RBFOX1: variants seen among roughly 807,000 people sequenced by gnomAD.
The protein encoded by RBFOX1 is RNA binding fox-1 homolog 1.
RBFOX1 carries 8 observed loss-of-function variants against 57.7 expected under a neutral mutation model. The ratio of observed to expected loss-of-function variants is 0.14; its 90% CI spans 0.08 to 0.25. The LOEUF is 0.25. Among genes scored for constraint, RBFOX1 ranks in the 10% least tolerant of loss-of-function variants. The probability of loss-of-function intolerance (pLI) is 1.00; values close to 1 mark genes in which losing one functional copy is unlikely to be tolerated. For synonymous variants in RBFOX1, 326 were observed against 222.4 expected, an observed-to-expected ratio of 1.47 and a Z score of -4.15; for missense variants, 611 against 548.5, an observed-to-expected ratio of 1.11 and a Z score of -1.14.
chr16:7,308,382 G>T (rs1005535660), intron 4 of RBFOX1, among the ~76,000 whole-genome samples: 4 of 149,484 alleles, frequency 2.7e-5, no homozygotes, highest in African/African-American at 9.9e-5. Flanking sequence ...TACACCACCA[G>T]CGTCTCTCAG....
intron 2 of RBFOX1, among the ~76,000 whole-genome samples, chr16:6,590,562 AG>A (rs1485124152): frequency 2.0e-5 from 3 of 152,220 alleles, no homozygotes; most frequent in Admixed American, 6.5e-5. Flanking sequence ...TAACTCATTT[AG>A]TGAGAGTTCT....
chr16:6,009,473 AG>A (rs2152336445), intron 4 of RBFOX1, among the ~76,000 whole-genome samples: 1 of 152,266 alleles, frequency 6.6e-6, no homozygotes, highest in Admixed American at 6.5e-5. Flanking sequence ...TTATGGCTCC[AG>A]GGACTTAGAA....
Position 7,257,891 on chromosome 16 carries a change from A to G in RBFOX1, c.27+205793A>G, listed in dbSNP as rs371075751. Among the ~76,000 whole-genome samples the G allele has an allele frequency of 7.2e-5, 11 of 152,300 alleles. No individual in the cohort carries two copies. In the East Asian group the frequency reaches 2.1e-3, roughly 29 times the overall value. ...TCTGTTACTCTTTGGGCAGGGAATG[A>G]TTTGGTTTCAAGGAGATTCCATCTT... On this transcript the variant is annotated intron_variant, in intron 4 of 15. Coordinates refer to ENST00000550418, the MANE Select transcript of RBFOX1 (RefSeq NM_018723.4).
Position 7,710,049 on chromosome 16 carries a change from C to G in RBFOX1, c.1072-574C>G, listed in dbSNP as rs747853274. 1.8e-4 allele frequency: 185 copies of G among 1,001,694 alleles called. No individual in the cohort carries two copies. In the Middle Eastern group the frequency reaches 3.5e-3, roughly 19 times the overall value. 62.1% of individuals were successfully genotyped at this position (1,001,694 alleles called of 1,614,324 possible). A position where few individuals can be genotyped will look rare whatever the true frequency, so the allele number is the denominator to read the frequency against. ...ACCATGGCCGGACAGTTCACTGAAG[C>G]TCAGTCATAGAAATTCAGCCATGAT... On this transcript the variant is annotated intron_variant, in intron 15 of 15. Coordinates refer to ENST00000550418, the MANE Select transcript of RBFOX1 (RefSeq NM_018723.4).
chr16:5,265,952 G>C (rs1467099219), intron 1 of RBFOX1, among the ~76,000 whole-genome samples: 1 of 151,962 alleles, frequency 6.6e-6, no homozygotes, highest in Admixed American at 6.5e-5. Flanking sequence ...TCCGGGTCTT[G>C]AGCCCAGCAG....
chr16:6,675,557 G>C (rs1267822945), intron 3 of RBFOX1, among the ~76,000 whole-genome samples: 5 of 152,140 alleles, frequency 3.3e-5, no homozygotes, highest in African/African-American at 7.2e-5. Flanking sequence ...GTGTTAGTCT[G>C]TTTTCACACT....
chr16:5,604,514 T>A (rs1158271645), downstream of RBFOX1, among the ~76,000 whole-genome samples: 1 of 152,206 alleles, frequency 6.6e-6, no homozygotes, highest in Non-Finnish European at 1.5e-5. Flanking sequence ...AATGTGACAG[T>A]GTGCTTTTCC....
chr16:6,417,526 A>G (rs568740932), intron 2 of RBFOX1, among the ~76,000 whole-genome samples: 1 of 145,602 alleles, frequency 6.9e-6, no homozygotes, highest in African/African-American at 2.5e-5. Context: ...AATAGCTGGG[A>G]TTACAGGCGC....
chr16:6,814,306 C>G (rs994607128), intron 3 of RBFOX1, among the ~76,000 whole-genome samples: 1 of 152,046 alleles, frequency 6.6e-6, no homozygotes, highest in Admixed American at 6.6e-5. Flanking sequence ...GATCTTCAAA[C>G]TGAAAGCAAG....
chr16:6,604,692 A>G (rs1255017007), intron 2 of RBFOX1, among the ~76,000 whole-genome samples: 1 of 152,218 alleles, frequency 6.6e-6, no homozygotes, highest in African/African-American at 2.4e-5. Flanking sequence ...TATTAAGCAT[A>G]TACACATGCA....
chr16:6,950,225 C>T (rs1318015655), intron 3 of RBFOX1, among the ~76,000 whole-genome samples: 9 of 151,536 alleles, frequency 5.9e-5, no homozygotes, highest in South Asian at 4.2e-4. Flanking sequence ...CCCAAAGCGC[C>T]GGGATTACAG....
At chr16:7,626,320 T>C (rs1303529266) in intron 10 of RBFOX1, among the ~76,000 whole-genome samples, 2 of 152,168 alleles carry the variant, frequency 1.3e-5, no homozygotes, top group Admixed American at 6.5e-5. Context: ...CTGCATGCCG[T>C]ATGGAGACTA....
intron 3 of RBFOX1, among the ~76,000 whole-genome samples, chr16:6,698,042 C>G (rs2061313277): frequency 6.6e-6 from 1 of 152,160 alleles, no homozygotes; most frequent in Non-Finnish European, 1.5e-5. Flanking sequence ...CTAGAATTGT[C>G]TCTTGTCCCA....
chr16:6,762,397 C>G (rs1422437233), intron 3 of RBFOX1, among the ~76,000 whole-genome samples: 2 of 151,916 alleles, frequency 1.3e-5, no homozygotes, highest in East Asian at 1.9e-4. Context: ...TAAATATTAG[C>G]AAACAGTACT....
At chr16:6,606,668 T>G (rs2097933977) in intron 2 of RBFOX1, among the ~76,000 whole-genome samples, 1 of 152,068 alleles carries the variant, frequency 6.6e-6, no homozygotes, top group South Asian at 2.1e-4. Flanking sequence ...GTTCCATCCA[T>G]GTCCCTGCAA....
At chr16:6,682,863 AAAG>A (rs1037102198) in intron 3 of RBFOX1, among the ~76,000 whole-genome samples, 3 of 136,316 alleles carry the variant, frequency 2.2e-5, no homozygotes, top group African/African-American at 9.0e-5. Context: ...TGAAAAAAGA[AAAG>A]AATTAAAAAA....
intron 11 of RBFOX1, among the ~76,000 whole-genome samples, chr16:7,635,009 G>T (rs962530358): frequency 1.3e-5 from 2 of 152,212 alleles, no homozygotes; most frequent in African/African-American, 2.4e-5. Context: ...TGCTTGGTAT[G>T]TGGACTGTTC....
intron 3 of RBFOX1, among the ~76,000 whole-genome samples, chr16:7,034,827 C>CTTTTT (rs113413414): frequency 8.7e-4 from 47 of 54,092 alleles, no homozygotes; most frequent in East Asian, 1.5e-3. Flanking sequence ...TATTGCATTA[C>CTTTTT]TTTTTTTTTT....
chr16:5,903,281 C>T (rs777196148), intron 4 of RBFOX1, among the ~76,000 whole-genome samples: 1 of 152,182 alleles, frequency 6.6e-6, no homozygotes, highest in Non-Finnish European at 1.5e-5. Flanking sequence ...TTCACCACTG[C>T]TTCGTCATCC....
Sources: gnomAD v4.1 joint callset for allele counts (sites outside exome capture counted in the v4.1 genomes callset) on GRCh38, gnomAD v4.1.1 for gene constraint, MANE v1.5 for transcripts, NCBI Gene and HGNC (gene_info 2026-07-23, HGNC 2026-07-21) for gene names.